The following CTNNA3 variants were observed in gnomAD, a reference collection of about 807,000 sequenced individuals.
The protein encoded by CTNNA3 is catenin alpha 3, also known as catenin alpha-3.
Under a neutral mutation model 95.7 loss-of-function variants are expected in CTNNA3, and 76 were observed. That is an observed-to-expected ratio of 0.79 (90% CI 0.66 to 0.96). The LOEUF (loss-of-function observed/expected upper bound fraction) is 0.96, where lower values mean the gene tolerates loss of function less well. Among genes scored for constraint, CTNNA3 ranks in the 40% least tolerant of loss-of-function variants. The pLI, the probability that CTNNA3 is intolerant of heterozygous loss-of-function variation, is 0.00. For synonymous variants in CTNNA3, 431 were observed against 374.4 expected, an observed-to-expected ratio of 1.15 and a Z score of -1.74; for missense variants, 1,191 against 1,089.8, an observed-to-expected ratio of 1.09 and a Z score of -1.31.
intron 12 of CTNNA3, among the ~76,000 whole-genome samples, chr10:66,333,389 C>T (rs560596954): frequency 6.6e-6 from 1 of 152,072 alleles, no homozygotes; most frequent in East Asian, 1.9e-4. Context: ...TCCCTCTACA[C>T]ACTTCTTTGA....
intron 1 of CTNNA3, among the ~76,000 whole-genome samples, chr10:67,755,819 A>AAAAAAAAAAG (rs1554881122): frequency 6.9e-6 from 1 of 145,154 alleles, no homozygotes; most frequent in African/African-American, 2.6e-5. Context: ...AAAAAAAAAA[A>AAAAAAAAAAG]AAAGAAAGAA....
intron 11 of CTNNA3, among the ~76,000 whole-genome samples, chr10:66,385,466 A>T (rs529041551): frequency 4.3e-4 from 66 of 152,300 alleles, no homozygotes; most frequent in Admixed American, 8.5e-4. Context: ...ACTAACCAAA[A>T]AAAGTCCAGG....
At chr10:67,105,106 T>C (rs1247165324) in intron 7 of CTNNA3, among the ~76,000 whole-genome samples, 1 of 152,064 alleles carries the variant, frequency 6.6e-6, no homozygotes, top group Non-Finnish European at 1.5e-5. Flanking sequence ...CTGCCAGTAA[T>C]TTTAAAAACT....
chr10:66,766,690 ATACT>A (rs1349303715), intron 8 of CTNNA3, among the ~76,000 whole-genome samples: 1 of 152,200 alleles, frequency 6.6e-6, no homozygotes, highest in Non-Finnish European at 1.5e-5. Flanking sequence ...AAAAATGGTA[ATACT>A]TTCTTTTTTG....
chr10:66,003,539 G>C (rs1291744658), intron 15 of CTNNA3, among the ~76,000 whole-genome samples: 1 of 151,954 alleles, frequency 6.6e-6, no homozygotes, highest in African/African-American at 2.4e-5. Context: ...AAAATCCCAA[G>C]AAAAAACACA....
intron 12 of CTNNA3, among the ~76,000 whole-genome samples, chr10:66,375,094 A>C (rs192758181): frequency 6.6e-6 from 1 of 152,292 alleles, no homozygotes; most frequent in Admixed American, 6.5e-5. Flanking sequence ...TGAAATATGC[A>C]TAGAATTTGA....
At chr10:66,489,680 C>A (rs12219203) in intron 11 of CTNNA3, among the ~76,000 whole-genome samples, 4 of 152,066 alleles carry the variant, frequency 2.6e-5, no homozygotes, top group African/African-American at 9.7e-5. Context: ...TTTCATGAGG[C>A]TTTAGGTATA....
chr10:66,738,659 A>T (rs1322932233), intron 9 of CTNNA3, among the ~76,000 whole-genome samples: 2 of 152,190 alleles, frequency 1.3e-5, no homozygotes, highest in Non-Finnish European at 2.9e-5. Context: ...TACACGTTTC[A>T]TGTAAATAAG....
intron 12 of CTNNA3, among the ~76,000 whole-genome samples, chr10:66,332,906 C>T (rs1232667577): frequency 6.6e-6 from 1 of 152,056 alleles, no homozygotes; most frequent in African/African-American, 2.4e-5. Context: ...AATTTCAGAG[C>T]CTGTTATTGG....
intron 15 of CTNNA3, among the ~76,000 whole-genome samples, chr10:66,003,390 C>A (rs2078810831): frequency 6.6e-6 from 1 of 151,804 alleles, no homozygotes; most frequent in Admixed American, 6.6e-5. Context: ...TTCACTACTA[C>A]TTTTCTAAAG....
chr10:67,303,696 A>G (rs1840420565), intron 5 of CTNNA3, among the ~76,000 whole-genome samples: 1 of 152,230 alleles, frequency 6.6e-6, no homozygotes, highest in South Asian at 2.1e-4. Context: ...CTTGTTCCCT[A>G]TAATACAGTA....
At chr10:66,893,043 G>A (rs1845333493) in intron 7 of CTNNA3, among the ~76,000 whole-genome samples, 1 of 152,002 alleles carries the variant, frequency 6.6e-6, no homozygotes, top group Admixed American at 6.6e-5. Flanking sequence ...TCTTTGAGAT[G>A]TTACTATACA....
intron 7 of CTNNA3, among the ~76,000 whole-genome samples, chr10:67,131,512 G>C (rs1388742097): frequency 6.6e-6 from 1 of 151,996 alleles, no homozygotes; most frequent in African/African-American, 2.4e-5. Flanking sequence ...ATTATGCCGG[G>C]TGTTGGTAGA....
Position 66,927,384 on chromosome 10 carries a change from G to A in CTNNA3, c.1048-151860C>T, listed in dbSNP as rs199858566. On this transcript the variant is annotated intron_variant, in intron 7 of 17. Transcript: ENST00000433211. This position sits in a 1 kb window ranked among gnomAD's most constrained non-coding sequence, Gnocchi z 4.7. ...TGGGATCTGAACAGTTTCGGGGCTT[G>A]CGGAAGCTGCTGAGTTTACATTTAC... 41 of 1,614,022 alleles carry A rather than the reference G, an allele frequency of 2.5e-5. No individual in the cohort carries two copies. The highest frequency in any genetic ancestry group is 3.4e-5 in the Non-Finnish European group (40 of 1,180,040).
At chr10:66,825,697 C>G (rs919741292) in intron 7 of CTNNA3, among the ~76,000 whole-genome samples, 1 of 152,136 alleles carries the variant, frequency 6.6e-6, no homozygotes, top group African/African-American at 2.4e-5. Context: ...CTTCCACAAG[C>G]TAGCCAAACT....
chr10:66,951,122 C>G (rs1293418227), intron 7 of CTNNA3, among the ~76,000 whole-genome samples: 1 of 140,736 alleles, frequency 7.1e-6, no homozygotes, highest in Admixed American at 7.1e-5. Context: ...CACACACTGT[C>G]TTTTTTTTTT....
chr10:66,010,575 T>C (rs1342962116), intron 15 of CTNNA3, among the ~76,000 whole-genome samples: 3 of 152,180 alleles, frequency 2.0e-5, no homozygotes, highest in South Asian at 4.1e-4. Flanking sequence ...GGGCTGGGAA[T>C]TGTAGGTTCT....
intron 11 of CTNNA3, among the ~76,000 whole-genome samples, chr10:66,408,554 C>A (rs774906778): frequency 3.3e-5 from 5 of 152,030 alleles, no homozygotes; most frequent in Admixed American, 2.0e-4. Flanking sequence ...TCTTCCAAAC[C>A]CAAAATTTTA....
chr10:66,470,515 C>G (rs34520813), intron 11 of CTNNA3, among the ~76,000 whole-genome samples: 1 of 151,782 alleles, frequency 6.6e-6, no homozygotes, highest in Non-Finnish European at 1.5e-5. Context: ...TTGGAATCAT[C>G]CAAGATGGAA....
Sources: allele counts gnomAD v4.1 joint callset (sites outside exome capture counted in the v4.1 genomes callset), GRCh38; gene constraint gnomAD v4.1.1; non-coding constraint Gnocchi (gnomAD v3.1); transcripts MANE v1.5; gene names NCBI Gene and HGNC (gene_info 2026-07-23, HGNC 2026-07-21).